Variants in TMCC2 observed in about 807,000 individuals in gnomAD.
The protein encoded by TMCC2 is transmembrane and coiled-coil domain family 2, also known as transmembrane and coiled-coil domains protein 2.
TMCC2 carries 16 observed loss-of-function variants against 49.4 expected under a neutral mutation model. The ratio of observed to expected loss-of-function variants is 0.32; its 90% CI spans 0.22 to 0.49. The LOEUF is 0.49. Among genes scored for constraint, TMCC2 ranks in the 20% least tolerant of loss-of-function variants. The pLI is 0.99. For synonymous variants in TMCC2, 397 were observed against 434.1 expected, an observed-to-expected ratio of 0.91 and a Z score of 1.06; for missense variants, 762 against 989.8, an observed-to-expected ratio of 0.77 and a Z score of 3.09.
chr1:205,255,909 TG>T (rs1428809530), intron 2 of TMCC2, among the ~76,000 whole-genome samples: 3 of 152,220 alleles, frequency 2.0e-5, no homozygotes, highest in Non-Finnish European at 4.4e-5. Context: ...AAGTGTTCCC[TG>T]GCCCTACAGG....
chr1:205,243,935 G>GA lies in TMCC2; in HGVS notation c.747+1892dup, dbSNP rs1198338291. Among the ~76,000 whole-genome samples, 7 of 152,306 alleles carry GA rather than the reference G, an allele frequency of 4.6e-5. No individual in the cohort carries two copies. The East Asian group carries it at 1.3e-3, about 29-fold the overall frequency. On this transcript the variant is annotated intron_variant, in intron 2 of 4. Coordinates refer to ENST00000358024, the MANE Select transcript of TMCC2 (RefSeq NM_014858.4). ...GACAGGCCAAGCACCAGGAGCCCGA[G>GA]AGAGAGCAGTCAGATGGATAGAAGT...
intron 1 of TMCC2, among the ~76,000 whole-genome samples, chr1:205,236,317 G>C (rs1016909845): frequency 6.6e-6 from 1 of 152,190 alleles, no homozygotes; most frequent in African/African-American, 2.4e-5. Context: ...AGTGAGAAGA[G>C]GGTTTAAACT....
intron 1 of TMCC2, among the ~76,000 whole-genome samples, chr1:205,235,351 A>G (rs866897343): frequency 6.6e-6 from 1 of 152,194 alleles, no homozygotes; most frequent in South Asian, 2.1e-4. Context: ...TCTAGTGGGA[A>G]CTGTCTGGCA....
intron 3 of TMCC2, among the ~76,000 whole-genome samples, 197 bp downstream of exon 3, chr1:205,270,081 C>T (rs1282374553): frequency 3.9e-5 from 6 of 152,162 alleles, no homozygotes; most frequent in African/African-American, 1.2e-4. Flanking sequence ...GAGTGTCTCT[C>T]TGTCGCCCAG....
chr1:205,258,594 T>G (rs1660975570), intron 2 of TMCC2, among the ~76,000 whole-genome samples: 1 of 152,070 alleles, frequency 6.6e-6, no homozygotes, highest in South Asian at 2.1e-4. Context: ...GTTACCCACA[T>G]ATCCTCACCA....
At chr1:205,266,344 A>G (rs1661330092) in intron 2 of TMCC2, among the ~76,000 whole-genome samples, 1 of 151,746 alleles carries the variant, frequency 6.6e-6, no homozygotes, top group Middle Eastern at 3.2e-3. Context: ...TAATCCCAGC[A>G]CTTTGGGAGG....
chr1:205,271,784 C>T lies in TMCC2; in HGVS notation c.1819-29C>T, dbSNP rs773565325. On this transcript the variant is annotated intron_variant, in intron 4 of 4. Coordinates refer to ENST00000358024, the MANE Select transcript of TMCC2 (RefSeq NM_014858.4). ...CTAGGGGTCCTGCCCATCCTGAGCGCACACATGCCAGCCCCTCTGCCCCTG... is the reference window on the plus strand; with the variant it reads ...CTAGGGGTCCTGCCCATCCTGAGCGTACACATGCCAGCCCCTCTGCCCCTG... 7.1e-5 allele frequency: 114 copies of T among 1,596,914 alleles called. No homozygotes were observed. In the East Asian group the frequency reaches 1.1e-3, roughly 15 times the overall value.
rs545834185 is a variant in TMCC2 at position 205,272,562 on chromosome 1, G to C, written c.*438G>C. 148 of 183,004 alleles carry C rather than the reference G, an allele frequency of 8.1e-4. 2 individuals are homozygous for C. The highest frequency in any genetic ancestry group is 3.3e-3 in the African/African-American group (139 of 42,418). The allele number at this position is 183,004 out of a possible 1,614,324, so 11.3% of individuals were successfully genotyped here. A position where few individuals can be genotyped will look rare whatever the true frequency, so the allele number is the denominator to read the frequency against. On this transcript the variant is annotated 3_prime_UTR_variant, in exon 5 of 5. Coordinates refer to ENST00000358024, the MANE Select transcript of TMCC2 (RefSeq NM_014858.4). The stretch of plus-strand genomic sequence containing the variant: ...GTGGAGATGGTGAGGATGAAGGCTG[G>C]AGAGTGAGGGAGGAGGCTCTGCTGG...
chr1:205,229,576 G>A (rs1198752306), intron 1 of TMCC2: 17 of 935,560 alleles, frequency 1.8e-5, no homozygotes, highest in Middle Eastern at 5.5e-4. Context: ...GGGGGCGGGG[G>A]GGGAAGGTGG....
Position 205,269,435 on chromosome 1 carries a change from T to G in TMCC2, c.1233T>G (p.Ser411=), listed in dbSNP as rs757014770. The stretch of plus-strand genomic sequence containing the variant: ...TGGAGGGCGTCAAGGGCAGCCTCTC[T>G]GGCCTCTCACAGGCCACCCACACCG... ...GVVEGVKGSL[S]GLSQATHTAV... The change falls in exon 3 of 5, where the codon TCT becomes TCG. Residue 411 remains serine (S), a synonymous_variant. Coordinates refer to ENST00000358024, the MANE Select transcript of TMCC2 (RefSeq NM_014858.4). The G allele has an allele frequency of 2.5e-6, 4 of 1,606,312 alleles. No individual in the cohort carries two copies. The highest frequency in any genetic ancestry group is 3.3e-4 in the Middle Eastern group (2 of 6,062).
chr1:205,254,588 A>G (rs565570139), intron 2 of TMCC2, among the ~76,000 whole-genome samples: 3 of 152,096 alleles, frequency 2.0e-5, no homozygotes, highest in Non-Finnish European at 4.4e-5. Context: ...CTAGTGAACT[A>G]TTGGTTCCCT....
intron 2 of TMCC2, chr1:205,257,089 C>G (rs965790711): frequency 1.7e-6 from 2 of 1,159,306 alleles, no homozygotes; most frequent in African/African-American, 3.2e-5. Context: ...CTCCCGCGCT[C>G]GGTGATCCTC....
chr1:205,245,945 T>A (rs989888520), intron 2 of TMCC2, among the ~76,000 whole-genome samples: 1 of 151,848 alleles, frequency 6.6e-6, no homozygotes, highest in Non-Finnish European at 1.5e-5. Flanking sequence ...CCGGCTAATT[T>A]TTGTATTTTT....
intron 2 of TMCC2, among the ~76,000 whole-genome samples, chr1:205,257,681 A>G (rs1338291364): frequency 2.0e-5 from 3 of 152,056 alleles, no homozygotes; most frequent in African/African-American, 7.2e-5. Flanking sequence ...TATTAAGTGG[A>G]GGGGTGTTCC....
intron 1 of TMCC2, among the ~76,000 whole-genome samples, chr1:205,234,389 T>C (rs1659940619): frequency 6.6e-6 from 1 of 152,024 alleles, no homozygotes; most frequent in Admixed American, 6.5e-5. Context: ...GAGGTTGCAG[T>C]GAGCCGAGAT....
intron 1 of TMCC2, among the ~76,000 whole-genome samples, chr1:205,238,273 A>G (rs546961323): frequency 1.3e-5 from 2 of 151,936 alleles, no homozygotes; most frequent in African/African-American, 4.8e-5. Flanking sequence ...GTGTTATGTC[A>G]AAACTCCTTA....
intron 1 of TMCC2, chr1:205,229,484 C>T (rs747148108): frequency 1.8e-5 from 6 of 339,572 alleles, no homozygotes; most frequent in African/African-American, 1.2e-4. Flanking sequence ...CCGTGCCGGG[C>T]CCCATTGGGA....
At chr1:205,251,635 A>G (rs1477509641) in intron 2 of TMCC2, among the ~76,000 whole-genome samples, 1 of 152,224 alleles carries the variant, frequency 6.6e-6, no homozygotes, top group Non-Finnish European at 1.5e-5. Flanking sequence ...ACTTCATTGT[A>G]TAAGGTTTCT....
intron 1 of TMCC2, chr1:205,229,812 A>G: frequency 6.1e-6 from 6 of 985,292 alleles, no homozygotes; most frequent in Non-Finnish European, 7.2e-6. Context: ...GGTTGCCGAG[A>G]CAATTGGCGA....
Sources: allele counts gnomAD v4.1 joint callset (sites outside exome capture counted in the v4.1 genomes callset), GRCh38; gene constraint gnomAD v4.1.1; transcripts MANE v1.5; gene names NCBI Gene and HGNC (gene_info 2026-07-23, HGNC 2026-07-21).